CSMD1: variants seen among roughly 807,000 people sequenced by gnomAD.
The protein encoded by CSMD1 is CUB and sushi domain-containing protein 1.
A neutral mutation model predicts 417.5 loss-of-function variants in CSMD1; 213 were observed. That is an observed-to-expected ratio of 0.51 (90% CI 0.46 to 0.57). CSMD1 has a LOEUF of 0.57. Ranked by LOEUF, CSMD1 falls within the 20% of genes least tolerant of loss-of-function variation. CSMD1 has a pLI of 0.00. For missense variants in CSMD1, 6,923 were observed against 4,529.7 expected, an observed-to-expected ratio of 1.53 and a Z score of -15.17; for synonymous variants, 2,862 against 1,736.8, an observed-to-expected ratio of 1.65 and a Z score of -16.11.
At chr8:4,960,842 C>G (rs1262386561) in intron 1 of CSMD1, among the ~76,000 whole-genome samples, 35 of 152,042 alleles carry the variant, frequency 2.3e-4, no homozygotes, top group Admixed American at 2.3e-3. Flanking sequence ...TCATTTACAT[C>G]ATAAGTTATA....
intron 3 of CSMD1, among the ~76,000 whole-genome samples, chr8:4,269,180 C>A (rs1022866414): frequency 6.6e-6 from 1 of 152,070 alleles, no homozygotes; most frequent in Non-Finnish European, 1.5e-5. Flanking sequence ...CCTCAGCCCT[C>A]CTAGTAGCTG....
At chr8:4,405,453 G>C (rs561607464) in intron 3 of CSMD1, among the ~76,000 whole-genome samples, 1 of 151,916 alleles carries the variant, frequency 6.6e-6, no homozygotes, top group South Asian at 2.1e-4. Flanking sequence ...AGATTTTAAC[G>C]CCCATCTATA....
At chr8:3,351,432 G>A (rs936437791) in intron 21 of CSMD1, among the ~76,000 whole-genome samples, 7 of 151,762 alleles carry the variant, frequency 4.6e-5, no homozygotes, top group African/African-American at 1.5e-4. Context: ...CCAACATGGT[G>A]AAATCCCGTC....
At chr8:4,336,308 G>A (rs1331106010) in intron 3 of CSMD1, among the ~76,000 whole-genome samples, 1 of 152,102 alleles carries the variant, frequency 6.6e-6, no homozygotes, top group Non-Finnish European at 1.5e-5. Flanking sequence ...ATGCCACGTA[G>A]CCTCTGTAGA....
intron 5 of CSMD1, among the ~76,000 whole-genome samples, chr8:3,893,891 T>C (rs1807165676): frequency 6.6e-6 from 1 of 152,122 alleles, no homozygotes; most frequent in Non-Finnish European, 1.5e-5. Context: ...ATTTAAGATG[T>C]TAATGAGACA....
chr8:3,316,931 GTATT>G (rs879518077), intron 23 of CSMD1, among the ~76,000 whole-genome samples: 3 of 152,182 alleles, frequency 2.0e-5, no homozygotes, highest in Admixed American at 6.5e-5. Flanking sequence ...ATCTGCAAAA[GTATT>G]TATTTAGTGC....
At chr8:4,295,849 C>G (rs73502605) in intron 3 of CSMD1, among the ~76,000 whole-genome samples, 22,202 of 145,862 alleles carry the variant, frequency 0.15, 1,828 homozygotes, top group South Asian at 0.18. Flanking sequence ...TTTCAGATTT[C>G]TTCAACCATT....
At chr8:3,448,666 G>A (rs959319296) in intron 12 of CSMD1, among the ~76,000 whole-genome samples, 9 of 152,104 alleles carry the variant, frequency 5.9e-5, no homozygotes, top group African/African-American at 2.2e-4. Flanking sequence ...TGGAGGCCAA[G>A]TGGGCATGAC....
At chr8:3,244,288 T>A (rs531987497) in intron 26 of CSMD1, among the ~76,000 whole-genome samples, 1 of 152,298 alleles carries the variant, frequency 6.6e-6, no homozygotes, top group East Asian at 1.9e-4. Flanking sequence ...AAGCTCCTTG[T>A]TTCTGTTCAC....
chr8:4,758,152 T>G (rs1176619028), intron 1 of CSMD1, among the ~76,000 whole-genome samples: 2 of 152,048 alleles, frequency 1.3e-5, no homozygotes, highest in East Asian at 3.9e-4. Context: ...TGGTGGTGTT[T>G]TTCTGCTTGG....
chr8:4,582,194 T>C (rs576663161), intron 2 of CSMD1, among the ~76,000 whole-genome samples: 1 of 152,218 alleles, frequency 6.6e-6, no homozygotes, highest in Admixed American at 6.5e-5. Flanking sequence ...AGGTTTGTCA[T>C]ATATCTGACA....
At chr8:3,350,207 A>G (rs1326290664) in intron 21 of CSMD1, among the ~76,000 whole-genome samples, 1 of 131,932 alleles carries the variant, frequency 7.6e-6, no homozygotes, top group Non-Finnish European at 1.6e-5. Flanking sequence ...TGTGTGTGTT[A>G]TAATACCTAT....
intron 55 of CSMD1, among the ~76,000 whole-genome samples, chr8:2,975,533 CCT>C (rs972960772): frequency 2.6e-5 from 4 of 152,140 alleles, no homozygotes; most frequent in African/African-American, 7.2e-5. Flanking sequence ...ATGGCCATCC[CCT>C]GAGTCATATC....
intron 3 of CSMD1, among the ~76,000 whole-genome samples, chr8:4,397,390 G>T (rs1018915890): frequency 1.3e-5 from 2 of 152,106 alleles, no homozygotes. Flanking sequence ...GTGGAAAAGA[G>T]AAGTTACTTC....
chr8:3,405,370 T>C (rs557361203), intron 15 of CSMD1, among the ~76,000 whole-genome samples: 18 of 152,308 alleles, frequency 1.2e-4, no homozygotes, highest in Admixed American at 6.5e-4. Context: ...AATATTTTCC[T>C]CTCTATATTT....
At chr8:4,853,779 G>T (rs1801625276) in intron 1 of CSMD1, among the ~76,000 whole-genome samples, 1 of 152,170 alleles carries the variant, frequency 6.6e-6, no homozygotes, top group African/African-American at 2.4e-5. Flanking sequence ...CATGAAAGCA[G>T]CCACACTGCA....
chr8:3,675,664 A>C (rs991019354), intron 7 of CSMD1, among the ~76,000 whole-genome samples: 12 of 152,188 alleles, frequency 7.9e-5, no homozygotes, highest in Non-Finnish European at 1.5e-4. Flanking sequence ...CAAGGACACA[A>C]TTAGAAGATG....
intron 3 of CSMD1, among the ~76,000 whole-genome samples, chr8:4,235,808 T>C (rs1802012905): frequency 6.6e-6 from 1 of 152,208 alleles, no homozygotes; most frequent in Non-Finnish European, 1.5e-5. Context: ...ACATTTGTTT[T>C]TGTAACTTGA....
At chr8:4,274,557 G>A (rs1483328969) in intron 3 of CSMD1, among the ~76,000 whole-genome samples, 2 of 152,044 alleles carry the variant, frequency 1.3e-5, no homozygotes, top group Non-Finnish European at 2.9e-5. Flanking sequence ...TGTTTATAGG[G>A]AAGGCCTTCT....
Sources: allele counts gnomAD v4.1 joint callset (sites outside exome capture counted in the v4.1 genomes callset), GRCh38; gene constraint gnomAD v4.1.1; transcripts MANE v1.5; gene names NCBI Gene and HGNC (gene_info 2026-07-23, HGNC 2026-07-21).